Variants in NR2C2 observed in about 807,000 individuals in gnomAD.
The protein encoded by NR2C2 is Nuclear hormone receptor TR4.
A neutral mutation model predicts 62.9 loss-of-function variants in NR2C2; 6 were observed. The ratio of observed to expected loss-of-function variants is 0.10; its 90% CI spans 0.05 to 0.19. The LOEUF (loss-of-function observed/expected upper bound fraction) is 0.19. Among genes scored for constraint, NR2C2 ranks in the 10% least tolerant of loss-of-function variants. The pLI is 1.00. For missense variants in NR2C2, 479 were observed against 762.7 expected, an observed-to-expected ratio of 0.63 and a Z score of 4.38; for synonymous variants, 272 against 273.8, an observed-to-expected ratio of 0.99 and a Z score of 0.07.
intron 1 of NR2C2, among the ~76,000 whole-genome samples, chr3:14,952,689 A>T (rs2039401790): frequency 6.6e-6 from 1 of 152,178 alleles, no homozygotes; most frequent in Admixed American, 6.5e-5. Context: ...TGTAAAAGAT[A>T]TGTTCTTCCT....
intron 1 of NR2C2, among the ~76,000 whole-genome samples, chr3:14,949,166 C>T (rs1368417912): frequency 6.6e-6 from 1 of 150,982 alleles, no homozygotes; most frequent in Non-Finnish European, 1.5e-5. Flanking sequence ...CCCCTGCCCT[C>T]ACTAGAGTTG....
At chr3:15,041,029 G>C (rs2042246180) in intron 13 of NR2C2, among the ~76,000 whole-genome samples, 1 of 152,156 alleles carries the variant, frequency 6.6e-6, no homozygotes, top group South Asian at 2.1e-4. Flanking sequence ...AACATCATGA[G>C]TCACTCCTGT....
intron 4 of NR2C2, among the ~76,000 whole-genome samples, chr3:15,019,063 T>C (rs1056689869): frequency 2.1e-4 from 24 of 112,844 alleles, no homozygotes; most frequent in Admixed American, 1.8e-3. Context: ...TAAAATCTTA[T>C]AAAAATAAAA....
At chr3:15,018,701 T>A (rs948819431) in intron 4 of NR2C2, among the ~76,000 whole-genome samples, 2 of 152,094 alleles carry the variant, frequency 1.3e-5, no homozygotes, top group African/African-American at 4.8e-5. Context: ...TCATCTCTAC[T>A]GATTTTTGTA....
chr3:14,949,115 T>C lies in NR2C2; in HGVS notation c.-40+1209T>C, dbSNP rs142842677. The stretch of plus-strand genomic sequence containing the variant: ...GCTGAATACATGTTGACTTAGTTTT[T>C]TAGGCACTGGGGACACATCTGGAGA... On this transcript the variant is annotated intron_variant, in intron 1 of 13. Coordinates refer to ENST00000425241, the MANE Select transcript of NR2C2 (RefSeq NM_001291694.2). Among the ~76,000 whole-genome samples, 675 of 152,328 alleles carry C rather than the reference T, an allele frequency of 4.4e-3. 3 individuals carry two copies. The highest frequency in any genetic ancestry group is 0.015 in the African/African-American group (632 of 41,564).
At chr3:14,996,311 A>T (rs1392778164) in intron 1 of NR2C2, among the ~76,000 whole-genome samples, 1 of 152,212 alleles carries the variant, frequency 6.6e-6, no homozygotes, top group Non-Finnish European at 1.5e-5. Flanking sequence ...TAATATTTTA[A>T]AATAAAATAC....
At chr3:14,955,380 C>G (rs1027825526) in intron 1 of NR2C2, among the ~76,000 whole-genome samples, 1 of 152,114 alleles carries the variant, frequency 6.6e-6, no homozygotes, top group African/African-American at 2.4e-5. Flanking sequence ...ATTAAATGAT[C>G]TAGCTTATTG....
intron 10 of NR2C2, among the ~76,000 whole-genome samples, chr3:15,033,852 C>T (rs1370187962): frequency 1.3e-5 from 2 of 152,024 alleles, no homozygotes; most frequent in African/African-American, 2.4e-5. Context: ...GTTTCATTTA[C>T]ATTTCATGTA....
At chr3:14,973,291 A>G (rs1457971672) in intron 1 of NR2C2, among the ~76,000 whole-genome samples, 6 of 152,124 alleles carry the variant, frequency 3.9e-5, no homozygotes, top group African/African-American at 1.2e-4. Context: ...ATTGGCACAA[A>G]CATAGCTTAA....
At chr3:14,976,602 CTTTTT>C (rs533538010) in intron 1 of NR2C2, among the ~76,000 whole-genome samples, 40 of 90,722 alleles carry the variant, frequency 4.4e-4, no homozygotes, top group African/African-American at 1.8e-3. Context: ...TCCTTCCTTC[CTTTTT>C]TTTTTTTTTT....
At chr3:15,001,316 G>GGGTTTTTTTTTTTTTTTTTTTTTT (rs2040989266) in intron 1 of NR2C2, among the ~76,000 whole-genome samples, 1 of 129,980 alleles carries the variant, frequency 7.7e-6, no homozygotes, top group Non-Finnish European at 1.6e-5. Context: ...TTTTTGTTTT[G>GGGTTTTTTTTTTTTTTTTTTTTTT]GGTTTTTTTT....
chr3:14,972,859 A>T (rs1019049749), intron 1 of NR2C2, among the ~76,000 whole-genome samples: 5 of 152,078 alleles, frequency 3.3e-5, no homozygotes, highest in Admixed American at 3.3e-4. Context: ...CACACTTTTA[A>T]ACAACCAGAT....
intron 1 of NR2C2, among the ~76,000 whole-genome samples, chr3:14,997,265 G>A (rs2124886798): frequency 6.6e-6 from 1 of 152,032 alleles, no homozygotes; most frequent in South Asian, 2.1e-4. Context: ...ATAGCCTAAT[G>A]TGTAGTAGGC....
At chr3:14,950,007 GCCTT>G (rs1376059256) in intron 1 of NR2C2, among the ~76,000 whole-genome samples, 4 of 152,164 alleles carry the variant, frequency 2.6e-5, no homozygotes, top group Non-Finnish European at 4.4e-5. Context: ...CAATAATAGA[GCCTT>G]CCTTCCTGAA....
rs371981775 is a variant in NR2C2, at chr3:15,002,645, C to CTTTTTTTTT, written c.-39-1209_-39-1201dup. 2.3e-4 allele frequency among the ~76,000 whole-genome samples: 9 copies of CTTTTTTTTT among 39,484 alleles called. 3 individuals are homozygous for CTTTTTTTTT. Among genetic ancestry groups the CTTTTTTTTT allele is most frequent in the African/African-American group, 6.0e-4 (7 of 11,606 alleles). 25.9% of individuals were successfully genotyped at this position (39,484 alleles called of 152,430 possible). A position where few individuals can be genotyped will look rare whatever the true frequency, so the allele number is the denominator to read the frequency against. ...TTTTTTGTGAAGTGTTCACAATATA[C>CTTTTTTTTT]TTTTTTTTTTTTTTTTTTTTTTTTT... On this transcript the variant is annotated intron_variant, in intron 1 of 13. Coordinates refer to ENST00000425241, the MANE Select transcript of NR2C2 (RefSeq NM_001291694.2).
intron 1 of NR2C2, among the ~76,000 whole-genome samples, chr3:14,968,598 C>G (rs2039934731): frequency 6.7e-6 from 1 of 148,586 alleles, no homozygotes; most frequent in Non-Finnish European, 1.5e-5. Flanking sequence ...GGATCTAGAA[C>G]TAGAAATACC....
In NR2C2 at chr3:14,947,904, G is replaced by A. The variant is rs932619401; in HGVS notation, c.-42G>A. The A allele has an allele frequency of 1.3e-5, 2 of 149,776 alleles. No homozygotes were observed. Among genetic ancestry groups the A allele is most frequent in the Admixed American group, 6.6e-5 (1 of 15,094 alleles). 9.3% of individuals were successfully genotyped at this position (149,776 alleles called of 1,614,324 possible). A position where few individuals can be genotyped will look rare whatever the true frequency, so the allele number is the denominator to read the frequency against. ...CGAGGCCGCTTTGGCGCCAAATCCTGAGGTAAAATTGAAAGAGGGTCGGGC... is the reference window on the plus strand; with the variant it reads ...CGAGGCCGCTTTGGCGCCAAATCCTAAGGTAAAATTGAAAGAGGGTCGGGC... On this transcript the variant is annotated splice_region_variant and 5_prime_UTR_variant, in exon 1 of 14. Transcript: ENST00000425241.
intron 1 of NR2C2, among the ~76,000 whole-genome samples, chr3:14,994,578 G>C (rs1300430573): frequency 6.6e-6 from 1 of 151,032 alleles, no homozygotes; most frequent in East Asian, 2.0e-4. Context: ...GAGTAGCTGG[G>C]ACTACAGATG....
At chr3:15,030,720 C>G (rs1375028755) in intron 9 of NR2C2, among the ~76,000 whole-genome samples, 1 of 152,078 alleles carries the variant, frequency 6.6e-6, no homozygotes, top group Non-Finnish European at 1.5e-5. Context: ...CTCACCTACT[C>G]AGGAGGCTGA....
Sources: gnomAD v4.1 joint callset for allele counts (sites outside exome capture counted in the v4.1 genomes callset) on GRCh38, gnomAD v4.1.1 for gene constraint, MANE v1.5 for transcripts, NCBI Gene and HGNC (gene_info 2026-07-23, HGNC 2026-07-21) for gene names.